The following GPC6 variants were observed in gnomAD, a reference collection of about 807,000 sequenced individuals.
GPC6 encodes the protein glypican-6.
In GPC6, 14 loss-of-function variants were observed where a neutral mutation model predicts 55.2. That is an observed-to-expected ratio of 0.25 (90% CI 0.17 to 0.40). The LOEUF is 0.40. GPC6 is among the 10% of genes least tolerant of loss of function. GPC6 has a pLI of 1.00. For missense variants in GPC6, 641 were observed against 708.5 expected, an observed-to-expected ratio of 0.90 and a Z score of 1.08; for synonymous variants, 278 against 259.6, an observed-to-expected ratio of 1.07 and a Z score of -0.68.
intron 4 of GPC6, among the ~76,000 whole-genome samples, chr13:94,033,592 G>A (rs565544597): frequency 1.6e-4 from 24 of 152,282 alleles, no homozygotes; most frequent in African/African-American, 4.6e-4. Context: ...CAGAAGGAAC[G>A]ATTTCAAGCA....
intron 3 of GPC6, among the ~76,000 whole-genome samples, chr13:93,889,596 C>T (rs546586181): frequency 2.0e-5 from 3 of 152,246 alleles, no homozygotes; most frequent in South Asian, 4.1e-4. Context: ...TACACTGTTA[C>T]AGGTGTCTGT....
chr13:93,467,296 A>C (rs547074061), intron 1 of GPC6, among the ~76,000 whole-genome samples: 1 of 152,334 alleles, frequency 6.6e-6, no homozygotes, highest in South Asian at 2.1e-4. Context: ...GAAGAATTAT[A>C]AATGAATTAC....
At chr13:93,623,756 C>A (rs1879068994) in intron 2 of GPC6, among the ~76,000 whole-genome samples, 2 of 152,074 alleles carry the variant, frequency 1.3e-5, no homozygotes, top group African/African-American at 4.8e-5. Flanking sequence ...CCGCGCCTGG[C>A]CTCTTTGGTC....
At chr13:93,394,635 A>G (rs752336610) in intron 1 of GPC6, among the ~76,000 whole-genome samples, 2 of 152,134 alleles carry the variant, frequency 1.3e-5, no homozygotes, top group African/African-American at 2.4e-5. Flanking sequence ...CATTTTACAG[A>G]TACAGGATAA....
intron 3 of GPC6, among the ~76,000 whole-genome samples, chr13:93,987,892 A>T (rs1384139732): frequency 6.6e-6 from 1 of 152,206 alleles, no homozygotes; most frequent in Non-Finnish European, 1.5e-5. Flanking sequence ...AATGAATAAA[A>T]TGACCTCAGG....
intron 1 of GPC6, among the ~76,000 whole-genome samples, chr13:93,238,237 T>G (rs1475698811): frequency 2.0e-5 from 3 of 152,316 alleles, no homozygotes; most frequent in African/African-American, 2.4e-5. Context: ...ATCTACAGTT[T>G]CTTTCCTCAG....
chr13:93,808,805 T>C (rs115792405), intron 2 of GPC6, among the ~76,000 whole-genome samples: 1,914 of 152,298 alleles, frequency 0.013, 40 homozygotes, highest in African/African-American at 0.043. Context: ...CCAAAGATCA[T>C]GACCCTTATT....
chr13:93,256,169 CAA>C (rs1230331244), intron 1 of GPC6, among the ~76,000 whole-genome samples: 13 of 55,120 alleles, frequency 2.4e-4, no homozygotes, highest in Admixed American at 4.1e-4. Flanking sequence ...GACTCCATCT[CAA>C]AAAAAAAAAA....
In GPC6 at chr13:93,552,140, G is replaced by C. The variant is rs372460249; in HGVS notation, c.319+6719G>C. On this transcript the variant is annotated intron_variant, in intron 2 of 8. Transcript: ENST00000377047. ...CAGCTCAGCGACATGTATTCCATCTGAAGGACACTCTTCTTGAAATCAGAA... is the reference window on the plus strand; with the variant it reads ...CAGCTCAGCGACATGTATTCCATCTCAAGGACACTCTTCTTGAAATCAGAA... Among the ~76,000 whole-genome samples, 4 of 152,308 alleles carry C rather than the reference G, an allele frequency of 2.6e-5. No individual in the cohort carries two copies. The South Asian group carries it at 8.3e-4, about 32-fold the overall frequency.
At chr13:94,357,253 C>T (rs1878844264) in intron 6 of GPC6, among the ~76,000 whole-genome samples, 1 of 152,226 alleles carries the variant, frequency 6.6e-6, no homozygotes, top group South Asian at 2.1e-4. Context: ...AAACTAACTA[C>T]TTTCCAAACC....
In GPC6 at chr13:93,850,091, A is replaced by G. The variant is rs575665020; in HGVS notation, c.711+19546A>G. The stretch of plus-strand genomic sequence containing the variant: ...CGATTAAAAGGAAGATCTTATTCAG[A>G]TGCATTAGTTCCTATGAGAAATCTT... On this transcript the variant is annotated intron_variant, in intron 3 of 8. Coordinates refer to ENST00000377047, the MANE Select transcript of GPC6 (RefSeq NM_005708.5). 1.7e-3 allele frequency among the ~76,000 whole-genome samples: 257 copies of G among 152,230 alleles called. 2 individuals are homozygous for G. The highest frequency in any genetic ancestry group is 5.6e-3 in the African/African-American group (234 of 41,578).
At chr13:93,756,338 C>T (rs1884769236) in intron 2 of GPC6, among the ~76,000 whole-genome samples, 3 of 152,166 alleles carry the variant, frequency 2.0e-5, no homozygotes, top group Non-Finnish European at 4.4e-5. Flanking sequence ...TTTTCTTACA[C>T]TACAGAGAAG....
chr13:93,487,552 G>A (rs1007386511), intron 1 of GPC6, among the ~76,000 whole-genome samples: 3 of 152,140 alleles, frequency 2.0e-5, no homozygotes, highest in Non-Finnish European at 2.9e-5. Context: ...GAGGAGGAAC[G>A]AGGGGGTAAG....
At chr13:93,684,723 T>G (rs760787806) in intron 2 of GPC6, among the ~76,000 whole-genome samples, 1 of 152,084 alleles carries the variant, frequency 6.6e-6, no homozygotes, top group Non-Finnish European at 1.5e-5. Flanking sequence ...CTTACATACA[T>G]GTATTTTAAG....
At chr13:93,488,929 C>A (rs896164852) in intron 1 of GPC6, among the ~76,000 whole-genome samples, 4 of 151,922 alleles carry the variant, frequency 2.6e-5, no homozygotes, top group South Asian at 4.2e-4. Flanking sequence ...TTGCCTGTTC[C>A]CGCTGATGGT....
At position 93,692,824 on chromosome 13, in the gene GPC6, CTT is replaced by C. The variant is rs1178086188; in HGVS notation, c.320-137329_320-137328del. On this transcript the variant is annotated intron_variant, in intron 2 of 8. Coordinates refer to ENST00000377047, the MANE Select transcript of GPC6 (RefSeq NM_005708.5). ...ATAATCAGTAACACATAAAATTTCT[CTT>C]CTTACATCTCTCTTAATTTTAATTC... 2.6e-5 allele frequency among the ~76,000 whole-genome samples: 4 copies of C among 152,052 alleles called. No homozygotes were observed. In the East Asian group the frequency reaches 7.7e-4, roughly 29 times the overall value.
intron 3 of GPC6, among the ~76,000 whole-genome samples, chr13:93,957,286 G>T (rs1173727462): frequency 2.6e-5 from 4 of 152,100 alleles, no homozygotes; most frequent in South Asian, 2.1e-4. Context: ...GATATAGGGG[G>T]TACACGTACA....
At chr13:93,803,116 T>C (rs1479872934) in intron 2 of GPC6, among the ~76,000 whole-genome samples, 5 of 152,174 alleles carry the variant, frequency 3.3e-5, no homozygotes, top group African/African-American at 1.2e-4. Context: ...CATTTCCTAA[T>C]CTGTTTTATA....
intron 2 of GPC6, among the ~76,000 whole-genome samples, chr13:93,755,298 G>A (rs1309873862): frequency 2.0e-5 from 3 of 152,156 alleles, no homozygotes; most frequent in Non-Finnish European, 4.4e-5. Context: ...CTCCTTCAGT[G>A]ATGGCCGATG....
Sources: allele counts gnomAD v4.1 joint callset (sites outside exome capture counted in the v4.1 genomes callset), GRCh38; gene constraint gnomAD v4.1.1; transcripts MANE v1.5; gene names NCBI Gene and HGNC (gene_info 2026-07-23, HGNC 2026-07-21).